PTPN21: variants seen among roughly 807,000 people sequenced by gnomAD.
The protein encoded by PTPN21 is tyrosine-protein phosphatase non-receptor type 21.
A neutral mutation model predicts 131.8 loss-of-function variants in PTPN21; 77 were observed. That is an observed-to-expected ratio of 0.58 (90% CI 0.49 to 0.71). The LOEUF is 0.71. PTPN21 is among the 30% of genes least tolerant of loss of function. PTPN21 has a pLI of 0.00. For missense variants in PTPN21, 1,552 were observed against 1,527.1 expected, an observed-to-expected ratio of 1.02 and a Z score of -0.27; for synonymous variants, 715 against 621.3, an observed-to-expected ratio of 1.15 and a Z score of -2.24.
chr14:88,506,208 C>T (rs148467892), intron 4 of PTPN21, among the ~76,000 whole-genome samples: 10 of 152,078 alleles, frequency 6.6e-5, no homozygotes, highest in South Asian at 2.1e-4. Flanking sequence ...GGCATGGTAG[C>T]GCACACCTGT....
intron 2 of PTPN21, among the ~76,000 whole-genome samples, chr14:88,535,032 G>A (rs1472736063): frequency 6.6e-6 from 1 of 152,058 alleles, no homozygotes; most frequent in African/African-American, 2.4e-5. Context: ...GCCATTCACG[G>A]TAAGTACCCT....
intron 2 of PTPN21, among the ~76,000 whole-genome samples, chr14:88,542,067 A>C (rs1456007496): frequency 6.6e-6 from 1 of 152,228 alleles, no homozygotes; most frequent in Non-Finnish European, 1.5e-5. Context: ...TAAAGGTCAA[A>C]GTTCGAGCAG....
chr14:88,542,071 C>T (rs577580766), intron 2 of PTPN21, among the ~76,000 whole-genome samples: 3 of 152,278 alleles, frequency 2.0e-5, no homozygotes, highest in Non-Finnish European at 2.9e-5. Context: ...GGTCAAAGTT[C>T]GAGCAGAAGT....
chr14:88,508,561 C>T (rs902874685), intron 3 of PTPN21, among the ~76,000 whole-genome samples: 6 of 152,112 alleles, frequency 3.9e-5, no homozygotes, highest in East Asian at 1.9e-4. Flanking sequence ...AAAATTAAAA[C>T]GATCCTATAA....
chr14:88,486,906 G>A (rs1207866654), intron 10 of PTPN21, among the ~76,000 whole-genome samples: 1 of 150,694 alleles, frequency 6.6e-6, no homozygotes, highest in Non-Finnish European at 1.5e-5. Flanking sequence ...AACCCAGGAG[G>A]CAGAGGTTGC....
rs771528042 is a variant in PTPN21, at chr14:88,470,116, A to G, written c.2872-66T>C. ...AATATACATAGGTATGTATGCATGC[A>G]TTCATGGTAGTACTAAAAAAGTTTT... On this transcript the variant is annotated intron_variant, in intron 15 of 18. Transcript: ENST00000556564. 3 of 1,504,636 alleles carry G rather than the reference A, an allele frequency of 2.0e-6. No homozygotes were observed. In the Admixed American group the frequency reaches 5.7e-5, roughly 29 times the overall value. The allele number at this position is 1,504,636 out of a possible 1,614,324, so 93.2% of individuals were successfully genotyped here.
chr14:88,491,476 C>A (rs73315953), intron 10 of PTPN21, among the ~76,000 whole-genome samples: 5,604 of 152,260 alleles, frequency 0.037, 348 homozygotes, highest in African/African-American at 0.13. Context: ...TTGTTAAATG[C>A]CTATCACGCT....
At chr14:88,476,771 A>G (rs1224740607) in intron 13 of PTPN21, among the ~76,000 whole-genome samples, 1 of 152,206 alleles carries the variant, frequency 6.6e-6, no homozygotes, top group African/African-American at 2.4e-5. Flanking sequence ...CACAGCTGCC[A>G]TACCCATTCC....
rs2077593871 is a variant in PTPN21 at position 88,479,119 on chromosome 14, A to T, written c.2312T>A (p.Met771Lys). 1 of 1,562,706 alleles carries T rather than the reference A, an allele frequency of 6.4e-7. No homozygotes were observed. The highest frequency in any genetic ancestry group is 2.3e-5 in the East Asian group (1 of 43,964). The change falls in exon 13 of 19, where the codon ATG (methionine) becomes AAG (lysine). Residue 771 changes from methionine to lysine, a missense_variant. Met to Lys is a moderately conservative substitution (Grantham distance 95). Transcript: ENST00000556564. Reference protein sequence around the residue: ...KAHVPDAEKRMMDSSPVRTTA... With the variant: ...KAHVPDAEKRKMDSSPVRTTA... ...CGTGCGGACGGGGCTGCTGTCCATC[A>T]TCCTCTTCTCCGCGTCTGGGACGTG...
At chr14:88,522,079 A>G (rs1212691610) in intron 2 of PTPN21, among the ~76,000 whole-genome samples, 1 of 152,182 alleles carries the variant, frequency 6.6e-6, no homozygotes, top group African/African-American at 2.4e-5. Context: ...CAAATTATAG[A>G]CCATAGAAGA....
intron 2 of PTPN21, among the ~76,000 whole-genome samples, chr14:88,542,829 C>T (rs2139357412): frequency 6.6e-6 from 1 of 152,256 alleles, no homozygotes; most frequent in African/African-American, 2.4e-5. Context: ...GCCAACCAAC[C>T]TAACATTATA....
At chr14:88,551,218 T>C (rs975338969) in intron 1 of PTPN21, 4 of 152,266 alleles carry the variant, frequency 2.6e-5, no homozygotes, top group African/African-American at 9.6e-5. Flanking sequence ...ACCCTACAAA[T>C]GCTCGTTATC....
At chr14:88,537,652 T>G (rs1190642343) in intron 2 of PTPN21, among the ~76,000 whole-genome samples, 1 of 152,180 alleles carries the variant, frequency 6.6e-6, no homozygotes, top group Non-Finnish European at 1.5e-5. Context: ...GATCTTGAAT[T>G]ATAAGATTAA....
intron 3 of PTPN21, among the ~76,000 whole-genome samples, chr14:88,510,367 C>A (rs1475757367): frequency 6.6e-6 from 1 of 152,184 alleles, no homozygotes; most frequent in Non-Finnish European, 1.5e-5. Flanking sequence ...TCATTACTAT[C>A]CCTCTTAATT....
At chr14:88,504,386 G>A (rs112024697) in intron 6 of PTPN21, 39 bp downstream of exon 6, 1 of 1,349,212 alleles carries the variant, frequency 7.4e-7, no homozygotes, top group East Asian at 2.3e-5. Context: ...AGCAGACATT[G>A]GTTCTATGCT....
intron 7 of PTPN21, 102 bp downstream of exon 7, chr14:88,501,179 G>A (rs909827807): frequency 2.6e-5 from 28 of 1,065,808 alleles, no homozygotes; most frequent in African/African-American, 1.6e-4. Context: ...AGTTTTGCAC[G>A]TCCTCAGCCT....
At chr14:88,528,422 A>C (rs2078511064) in intron 2 of PTPN21, among the ~76,000 whole-genome samples, 1 of 152,224 alleles carries the variant, frequency 6.6e-6, no homozygotes, top group Non-Finnish European at 1.5e-5. Flanking sequence ...TTATAAAAGA[A>C]GTTGAGTTCT....
rs529570826 is a variant in PTPN21 at position 88,540,530 on chromosome 14, C to T, written c.180+9708G>A. Reference sequence around the variant, plus strand: ...AACTTTACCTCTTTTCTTCCAAAACCCCACTTTGCCAAATGTAGTTGAATC... The same window carrying T: ...AACTTTACCTCTTTTCTTCCAAAACTCCACTTTGCCAAATGTAGTTGAATC... On this transcript the variant is annotated intron_variant, in intron 2 of 18. Transcript: ENST00000556564. Among the ~76,000 whole-genome samples the T allele has an allele frequency of 2.0e-5, 3 of 152,320 alleles. No individual in the cohort carries two copies. In the South Asian group the frequency reaches 6.2e-4, roughly 32 times the overall value.
In PTPN21 at chr14:88,509,086, T is replaced by C. The variant is rs373701129; in HGVS notation, c.351-1066A>G. Reference sequence around the variant, plus strand: ...TAATATATGTGAAGGACCAAGAGCATAGCCGGCTAACAGCAGCTCTTATCA... The same window carrying C: ...TAATATATGTGAAGGACCAAGAGCACAGCCGGCTAACAGCAGCTCTTATCA... On this transcript the variant is annotated intron_variant, in intron 3 of 18. Transcript: ENST00000556564. 4.0e-5 allele frequency among the ~76,000 whole-genome samples: 6 copies of C among 149,838 alleles called. No homozygotes were observed. In the East Asian group the frequency reaches 9.6e-4, roughly 24 times the overall value.
Sources: gnomAD v4.1 joint callset for allele counts (sites outside exome capture counted in the v4.1 genomes callset) on GRCh38, gnomAD v4.1.1 for gene constraint, MANE v1.5 for transcripts, NCBI Gene and HGNC (gene_info 2026-07-23, HGNC 2026-07-21) for gene names.